The following PTCHD4 variants were observed in gnomAD, a reference collection of about 807,000 sequenced individuals.
The protein encoded by PTCHD4 is patched domain containing 4.
A neutral mutation model predicts 58.1 loss-of-function variants in PTCHD4; 33 were observed. That is an observed-to-expected ratio of 0.57 (90% CI 0.43 to 0.76). The LOEUF is 0.76. PTCHD4 is among the 30% of genes least tolerant of loss of function. The pLI is 0.00. For synonymous variants in PTCHD4, 478 were observed against 409.6 expected (o/e 1.17, Z -2.02); for missense variants, 1,058 against 1,027.1 (o/e 1.03, Z -0.41).
intron 4 of PTCHD4, chr6:47,901,765 T>C (rs1184771568): frequency 8.1e-7 from 1 of 1,231,298 alleles, no homozygotes; most frequent in Non-Finnish European, 1.0e-6. Flanking sequence ...TTGGTGGTGA[T>C]GATGATGATG....
In PTCHD4 at chr6:47,948,961, T is replaced by C. The variant is rs578195984; in HGVS notation, c.898+59673A>G. ...TATACTTGAAGGCTCTAGGAACCAA[T>C]AGTAAACTGTCAAAGCAAGTATCTT... On this transcript the variant is annotated intron_variant, in intron 4 of 4. Transcript: ENST00000339488. Among the ~76,000 whole-genome samples, 4 of 152,324 alleles carry C rather than the reference T, an allele frequency of 2.6e-5. No homozygotes were observed. In the East Asian group the frequency reaches 5.8e-4, roughly 22 times the overall value.
At chr6:48,006,181 G>A (rs112922370) in intron 4 of PTCHD4, among the ~76,000 whole-genome samples, 3,429 of 152,234 alleles carry the variant, frequency 0.023, 58 homozygotes, top group South Asian at 0.084. Context: ...CCTAAAGTCT[G>A]CACCTACACT....
intron 4 of PTCHD4, among the ~76,000 whole-genome samples, chr6:47,939,674 T>C (rs150692489): frequency 2.7e-4 from 41 of 152,232 alleles, no homozygotes; most frequent in African/African-American, 9.4e-4. Flanking sequence ...TTTCCTCATC[T>C]CTAAAGTAGG....
chr6:48,106,540 A>G (rs1446793657), intron 1 of PTCHD4, among the ~76,000 whole-genome samples: 1 of 152,220 alleles, frequency 6.6e-6, no homozygotes, highest in Admixed American at 6.5e-5. Flanking sequence ...GAAAACTGGC[A>G]CAAGACAGGG....
At chr6:47,883,852 T>A in intron 4 of PTCHD4, among the ~76,000 whole-genome samples, 1 of 152,264 alleles carries the variant, frequency 6.6e-6, no homozygotes, top group South Asian at 2.1e-4. Context: ...TTGGCTTCAA[T>A]TGAAAATTAT....
At chr6:48,019,747 A>AAAT (rs1554168810) in intron 3 of PTCHD4, among the ~76,000 whole-genome samples, 7 of 151,190 alleles carry the variant, frequency 4.6e-5, no homozygotes, top group Middle Eastern at 3.4e-3. Flanking sequence ...AAAAAAAAAA[A>AAAT]AATAATAATA....
At chr6:48,095,305 A>C (rs939927170) in intron 1 of PTCHD4, among the ~76,000 whole-genome samples, 2 of 152,194 alleles carry the variant, frequency 1.3e-5, no homozygotes, top group African/African-American at 4.8e-5. Context: ...CTTGGATTGC[A>C]CCTACGAAGA....
At chr6:48,110,584 T>C (rs1765849526) in intron 1 of PTCHD4, among the ~76,000 whole-genome samples, 1 of 151,184 alleles carries the variant, frequency 6.6e-6, no homozygotes, top group South Asian at 2.1e-4. Flanking sequence ...GTTAATAATA[T>C]TGTATTGTAT....
At chr6:47,893,503 C>T (rs1055038908) in intron 4 of PTCHD4, among the ~76,000 whole-genome samples, 3 of 152,094 alleles carry the variant, frequency 2.0e-5, no homozygotes, top group Non-Finnish European at 4.4e-5. Flanking sequence ...AATCAAGAGG[C>T]AATATGGTAT....
rs114770427 is a variant in PTCHD4, at chr6:47,975,632, A to C, written c.898+33002T>G. On this transcript the variant is annotated intron_variant, in intron 4 of 4. Coordinates refer to ENST00000339488, the MANE Select transcript of PTCHD4 (RefSeq NM_001384253.1). ...TTACTCTGTCTTCCTTCCCCCATGC[A>C]TCCACGTGTCACTACTGCACCCACC... is the stretch of plus-strand genomic sequence containing the variant. Among the ~76,000 whole-genome samples the C allele has an allele frequency of 6.8e-3, 1,037 of 152,250 alleles. 8 individuals are homozygous for C. The highest frequency in any genetic ancestry group is 0.024 in the African/African-American group (999 of 41,544).
chr6:47,878,234 C>G lies in PTCHD4; in HGVS notation c.*69G>C. 1 of 1,430,660 alleles carries G rather than the reference C, an allele frequency of 7.0e-7. No homozygotes were observed. The highest frequency in any genetic ancestry group is 1.4e-5 in the South Asian group (1 of 72,256). The allele number at this position is 1,430,660 out of a possible 1,614,324, so 88.6% of individuals were successfully genotyped here. A position where few individuals can be genotyped will look rare whatever the true frequency, so the allele number is the denominator to read the frequency against. On this transcript the variant is annotated 3_prime_UTR_variant, in exon 5 of 5. Coordinates refer to ENST00000339488, the MANE Select transcript of PTCHD4 (RefSeq NM_001384253.1). ...CCTGGCCAGCCCAAGCAGCTGAGGTCTGAGCTTTACTTGCCCTGCATCATT... is the reference window on the plus strand; with the variant it reads ...CCTGGCCAGCCCAAGCAGCTGAGGTGTGAGCTTTACTTGCCCTGCATCATT...
At chr6:47,882,619 T>C (rs756755873) in intron 4 of PTCHD4, among the ~76,000 whole-genome samples, 2 of 151,634 alleles carry the variant, frequency 1.3e-5, no homozygotes, top group African/African-American at 4.8e-5. Flanking sequence ...TTTGTTTATG[T>C]TATTTTCTGT....
intron 3 of PTCHD4, among the ~76,000 whole-genome samples, chr6:48,015,813 T>A (rs1762847968): frequency 6.6e-6 from 1 of 151,992 alleles, no homozygotes; most frequent in African/African-American, 2.4e-5. Context: ...CACTGATAAT[T>A]TCCTTGTGCC....
chr6:47,966,419 A>G (rs1394618633), intron 4 of PTCHD4, among the ~76,000 whole-genome samples: 1 of 152,216 alleles, frequency 6.6e-6, no homozygotes, highest in Admixed American at 6.5e-5. Context: ...TTTGCTGGTG[A>G]AGGGCCTTGC....
At chr6:47,917,018 A>T (rs1359058094) in intron 4 of PTCHD4, among the ~76,000 whole-genome samples, 1 of 152,140 alleles carries the variant, frequency 6.6e-6, no homozygotes, top group East Asian at 1.9e-4. Flanking sequence ...TCTAAACTAC[A>T]ATTATAATAT....
chr6:47,987,819 C>A (rs574948479), intron 4 of PTCHD4, among the ~76,000 whole-genome samples: 2 of 151,738 alleles, frequency 1.3e-5, no homozygotes, highest in South Asian at 2.1e-4. Context: ...CTCTGTTGCC[C>A]AGGCTGGAGT....
Position 48,068,275 on chromosome 6 carries a change from C to T in PTCHD4, c.372G>A (p.Gln124=). 1.2e-6 allele frequency: 2 copies of T among 1,607,158 alleles called. No homozygotes were observed. The highest frequency in any genetic ancestry group is 1.7e-6 in the Non-Finnish European group (2 of 1,174,882). ...GGTGGGTCTGCAGGATCCCCTCAGC[C>T]TGGAGCAAAATATTGTCCCCGGTTG... ...LSPTGDNILL[Q]AEGILQTHRA... is the part of the protein sequence containing the mutation. The change falls in exon 3 of 5, where the codon CAG becomes CAA. Residue 124 remains glutamine (Q), a synonymous_variant. Coordinates refer to ENST00000339488, the MANE Select transcript of PTCHD4 (RefSeq NM_001384253.1). This position sits in a 1 kb window ranked among gnomAD's most constrained non-coding sequence, Gnocchi z 4.2.
chr6:48,082,370 G>A (rs1348183511), intron 1 of PTCHD4, among the ~76,000 whole-genome samples: 3 of 152,126 alleles, frequency 2.0e-5, no homozygotes, highest in Non-Finnish European at 4.4e-5. Context: ...TTAGTAATTA[G>A]CTGTACTCTC....
intron 3 of PTCHD4, among the ~76,000 whole-genome samples, chr6:48,022,270 T>C (rs1763098150): frequency 6.6e-6 from 1 of 151,794 alleles, no homozygotes; most frequent in South Asian, 2.1e-4. Flanking sequence ...CTCCTTCCTT[T>C]ATTTGAAAGA....
Sources: allele counts gnomAD v4.1 joint callset (sites outside exome capture counted in the v4.1 genomes callset), GRCh38; gene constraint gnomAD v4.1.1; non-coding constraint Gnocchi (gnomAD v3.1); transcripts MANE v1.5; gene names NCBI Gene and HGNC (gene_info 2026-07-23, HGNC 2026-07-21).